The following FOXN3 variants were observed in gnomAD, a reference collection of about 807,000 sequenced individuals.
FOXN3 encodes forkhead box N3, also known as forkhead box protein N3.
FOXN3 carries 7 observed loss-of-function variants against 38.4 expected under a neutral mutation model. The ratio of observed to expected loss-of-function variants is 0.18; its 90% confidence interval spans 0.10 to 0.34. FOXN3 has a LOEUF of 0.34. FOXN3 is among the 10% of genes least tolerant of loss of function. FOXN3 has a pLI of 1.00. For synonymous variants in FOXN3, 230 were observed against 242.2 expected (o/e 0.95, Z 0.47); for missense variants, 456 against 613.4 (o/e 0.74, Z 2.71).
At chr14:89,583,186 G>C (rs1231949631) in intron 1 of FOXN3, among the ~76,000 whole-genome samples, 1 of 152,172 alleles carries the variant, frequency 6.6e-6, no homozygotes, top group Non-Finnish European at 1.5e-5. Flanking sequence ...ACCTTTTTAA[G>C]AAATTGCTTA....
intron 2 of FOXN3, among the ~76,000 whole-genome samples, chr14:89,404,254 A>T (rs1891326133): frequency 6.6e-6 from 1 of 151,694 alleles, no homozygotes. Context: ...TCACGGCTGT[A>T]ATCTCAGCAC....
intron 2 of FOXN3, among the ~76,000 whole-genome samples, chr14:89,360,295 A>C (rs962954440): frequency 7.0e-6 from 1 of 142,012 alleles, no homozygotes; most frequent in Non-Finnish European, 1.5e-5. Context: ...AGGAAGAGAG[A>C]GGGATGGAGA....
At chr14:89,612,987 C>G (rs984028279) in intron 1 of FOXN3, among the ~76,000 whole-genome samples, 5 of 151,798 alleles carry the variant, frequency 3.3e-5, no homozygotes, top group East Asian at 2.0e-4. Flanking sequence ...CGTGGTGGCA[C>G]GCACCTGTAA....
chr14:89,594,660 T>C (rs1476961528), intron 1 of FOXN3, among the ~76,000 whole-genome samples: 1 of 152,236 alleles, frequency 6.6e-6, no homozygotes, highest in Middle Eastern at 3.2e-3. Context: ...AAGTTGCCTT[T>C]CATTCTCTAT....
intron 2 of FOXN3, among the ~76,000 whole-genome samples, chr14:89,375,791 C>CA (rs1341359793): frequency 6.6e-6 from 1 of 151,740 alleles, no homozygotes; most frequent in African/African-American, 2.4e-5. Context: ...TTTTTTGAGA[C>CA]AGAGTTTTGC....
intron 1 of FOXN3, among the ~76,000 whole-genome samples, chr14:89,466,556 A>G (rs1306352874): frequency 6.6e-6 from 1 of 152,196 alleles, no homozygotes; most frequent in Non-Finnish European, 1.5e-5. Flanking sequence ...GATTTGAGAG[A>G]TGAATCAAGA....
Position 89,193,158 on chromosome 14 carries a change from G to T in FOXN3, c.746-12352C>A, listed in dbSNP as rs142711158. Among the ~76,000 whole-genome samples the T allele has an allele frequency of 7.4e-3, 1,121 of 152,026 alleles. 15 individuals carry two copies. The highest frequency in any genetic ancestry group is 0.026 in the African/African-American group (1,064 of 41,472). On this transcript the variant is annotated intron_variant, in intron 4 of 5. Transcript: ENST00000557258. ...AACGAAAGTGCTACAGGTGACCATG[G>T]TTGGCCTGGCTACATGGTCCCTGCC...
At position 89,528,135 on chromosome 14, in the gene FOXN3, C is replaced by T. The variant is rs190389432; in HGVS notation, c.-15+90893G>A. Among the ~76,000 whole-genome samples the T allele has an allele frequency of 8.5e-5, 13 of 152,278 alleles. No homozygotes were observed. The East Asian group carries it at 2.5e-3, about 29-fold the overall frequency. On this transcript the variant is annotated intron_variant, in intron 1 of 6. Transcript: ENST00000345097. The stretch of plus-strand genomic sequence containing the variant: ...TCTTAAAAAGTTGAACATATATCTA[C>T]TATATGACCTAGCCATTCCAATCTT...
At chr14:89,501,507 C>A (rs963551213) in intron 1 of FOXN3, among the ~76,000 whole-genome samples, 2 of 152,086 alleles carry the variant, frequency 1.3e-5, no homozygotes, top group Admixed American at 6.6e-5. Flanking sequence ...TTGACCCTGT[C>A]CTAATCAGAG....
intron 2 of FOXN3, chr14:89,356,459 T>C (rs528985195): frequency 6.6e-6 from 1 of 152,268 alleles, no homozygotes; most frequent in African/African-American, 2.4e-5. Context: ...AAAGTTTACA[T>C]TTTATAACAA....
chr14:89,580,140 G>C (rs1407432398), intron 1 of FOXN3, among the ~76,000 whole-genome samples: 1 of 152,130 alleles, frequency 6.6e-6, no homozygotes, highest in Non-Finnish European at 1.5e-5. Flanking sequence ...GCAGAGTCTA[G>C]GAAATCAGTC....
intron 2 of FOXN3, among the ~76,000 whole-genome samples, chr14:89,385,187 T>C (rs1890758380): frequency 6.6e-6 from 1 of 152,182 alleles, no homozygotes; most frequent in Admixed American, 6.5e-5. Flanking sequence ...ATATGTCTTA[T>C]GGCAAGCCCT....
At chr14:89,433,741 G>T (rs187818114) in intron 1 of FOXN3, among the ~76,000 whole-genome samples, 28 of 151,544 alleles carry the variant, frequency 1.8e-4, no homozygotes, top group Admixed American at 1.7e-3. Context: ...GAGGCAAGGT[G>T]GCGGAGGTTG....
chr14:89,317,842 C>T (rs1229105703), intron 3 of FOXN3, among the ~76,000 whole-genome samples: 1 of 151,348 alleles, frequency 6.6e-6, no homozygotes, highest in Non-Finnish European at 1.5e-5. Flanking sequence ...CCTCCTGTCC[C>T]ATCAGCTGCA....
intron 4 of FOXN3, among the ~76,000 whole-genome samples, chr14:89,218,721 C>T (rs1362358335): frequency 6.6e-6 from 1 of 152,174 alleles, no homozygotes; most frequent in Non-Finnish European, 1.5e-5. Context: ...CCTCCTTGCA[C>T]ACGTCTGGCT....
chr14:89,536,022 G>A (rs934013872), intron 1 of FOXN3, among the ~76,000 whole-genome samples: 5 of 152,204 alleles, frequency 3.3e-5, no homozygotes, highest in African/African-American at 1.2e-4. Context: ...AGATTAAATA[G>A]TTGTAAATAA....
At chr14:89,618,541 G>A (rs1377573924) in intron 1 of FOXN3, among the ~76,000 whole-genome samples, 1 of 152,064 alleles carries the variant, frequency 6.6e-6, no homozygotes, top group Non-Finnish European at 1.5e-5. Context: ...ATAATTGATA[G>A]CCAAACAGTT....
At chr14:89,580,082 C>T (rs995927669) in intron 1 of FOXN3, among the ~76,000 whole-genome samples, 4 of 152,036 alleles carry the variant, frequency 2.6e-5, no homozygotes, top group African/African-American at 9.7e-5. Context: ...AACCTGAATC[C>T]ATTTGACTCC....
At chr14:89,324,443 C>CGTGTGTGTGTGT (rs71130053) in intron 3 of FOXN3, among the ~76,000 whole-genome samples, 25 of 143,490 alleles carry the variant, frequency 1.7e-4, no homozygotes, top group East Asian at 8.3e-4. Flanking sequence ...TAAGTGTGTG[C>CGTGTGTGTGTGT]GTGTGTGTGT....
Sources: gnomAD v4.1 joint callset for allele counts (sites outside exome capture counted in the v4.1 genomes callset) on GRCh38, gnomAD v4.1.1 for gene constraint, MANE v1.5 for transcripts, NCBI Gene and HGNC (gene_info 2026-07-23, HGNC 2026-07-21) for gene names.